Variants in PTPRN2 observed in about 807,000 individuals in gnomAD.
PTPRN2 encodes receptor-type tyrosine-protein phosphatase N2.
Under a neutral mutation model 118.8 loss-of-function variants are expected in PTPRN2, and 74 were observed. That is an observed-to-expected ratio of 0.62 (90% CI 0.52 to 0.76). The LOEUF (loss-of-function observed/expected upper bound fraction) is 0.76. PTPRN2 is among the 30% of genes least tolerant of loss of function. The probability of loss-of-function intolerance (pLI) is 0.00; values close to 1 mark genes in which losing one functional copy is unlikely to be tolerated. For synonymous variants in PTPRN2, 641 were observed against 608.0 expected (o/e 1.05, Z -0.80); for missense variants, 1,481 against 1,394.4 (o/e 1.06, Z -0.99).
At position 158,521,613 on chromosome 7, in the gene PTPRN2, A is replaced by ACT. The variant is rs1563387436; in HGVS notation, c.113-31829_113-31828insAG. On this transcript the variant is annotated intron_variant, in intron 1 of 22. Coordinates refer to ENST00000389418, the MANE Select transcript of PTPRN2 (RefSeq NM_002847.5). ...CGTCACAATGGTGGACTGTCCAGGT[A>ACT]GTGGCTCAGGAGGGAGGTCCACGTC... 7.5e-4 allele frequency among the ~76,000 whole-genome samples: 34 copies of ACT among 45,046 alleles called. 7 individuals are homozygous for ACT. The highest frequency in any genetic ancestry group is 1.4e-3 in the Non-Finnish European group (28 of 20,342). The allele number at this position is 45,046 out of a possible 152,430, so 29.6% of individuals were successfully genotyped here.
At chr7:157,994,625 C>G (rs181513298) in intron 11 of PTPRN2, among the ~76,000 whole-genome samples, 3 of 145,066 alleles carry the variant, frequency 2.1e-5, no homozygotes, top group African/African-American at 8.1e-5. Context: ...ACTCCTGGTT[C>G]CTAAAATCAA....
At chr7:157,932,994 C>T (rs35143004) in intron 11 of PTPRN2, among the ~76,000 whole-genome samples, 35,055 of 112,786 alleles carry the variant, frequency 0.31, 5,946 homozygotes, top group Non-Finnish European at 0.39. Context: ...GTCACTCTGA[C>T]TGACAGTTTT....
intron 19 of PTPRN2, among the ~76,000 whole-genome samples, chr7:157,574,658 C>T (rs559918547): frequency 2.8e-4 from 42 of 152,302 alleles, no homozygotes; most frequent in African/African-American, 8.4e-4. Context: ...GCCTGGCGAA[C>T]GCGCCAGGCC....
intron 14 of PTPRN2, among the ~76,000 whole-genome samples, chr7:157,625,794 T>A (rs1380537902): frequency 1.3e-5 from 2 of 152,082 alleles, no homozygotes; most frequent in Non-Finnish European, 2.9e-5. Flanking sequence ...TATAGATGAG[T>A]GCATGTGTGA....
intron 2 of PTPRN2, among the ~76,000 whole-genome samples, chr7:158,440,970 TTGG>T (rs1817010750): frequency 8.9e-6 from 1 of 111,972 alleles, no homozygotes; most frequent in South Asian, 2.9e-4. Context: ...AGTAGTGGTG[TTGG>T]TGGTAGTGGT....
intron 11 of PTPRN2, among the ~76,000 whole-genome samples, chr7:158,032,522 C>T (rs1807763836): frequency 6.6e-6 from 1 of 152,044 alleles, no homozygotes; most frequent in Admixed American, 6.5e-5. Context: ...TGCCAAGAGA[C>T]CCAAGGCAGG....
chr7:157,694,113 C>T (rs1797656684), intron 12 of PTPRN2, among the ~76,000 whole-genome samples: 1 of 152,246 alleles, frequency 6.6e-6, no homozygotes, highest in Admixed American at 6.5e-5. Flanking sequence ...CAATTCTTTT[C>T]GTTAGTCCCT....
At chr7:157,613,953 C>T (rs1802573741) in intron 15 of PTPRN2, 1 of 461,038 alleles carries the variant, frequency 2.2e-6, no homozygotes, top group Non-Finnish European at 4.5e-6. Flanking sequence ...GGCGACCCTC[C>T]CGTCACAACT....
intron 12 of PTPRN2, among the ~76,000 whole-genome samples, chr7:157,887,891 C>G (rs1401387496): frequency 2.0e-5 from 3 of 147,432 alleles, no homozygotes; most frequent in African/African-American, 7.6e-5. Flanking sequence ...CTGCTCTCCA[C>G]CATACCCACT....
chr7:158,230,862 A>G (rs947261555), intron 3 of PTPRN2, among the ~76,000 whole-genome samples: 12 of 152,220 alleles, frequency 7.9e-5, no homozygotes, highest in African/African-American at 2.9e-4. Flanking sequence ...CAATTCTCCA[A>G]TTAAAAGATA....
Position 157,929,386 on chromosome 7 carries a change from G to A in PTPRN2, c.1724-30649C>T, listed in dbSNP as rs1027238479. 3.3e-5 allele frequency among the ~76,000 whole-genome samples: 5 copies of A among 151,916 alleles called. No individual in the cohort carries two copies. The highest frequency in any genetic ancestry group is 9.7e-5 in the African/African-American group (4 of 41,374). ...CTCCTCTGTGGGTTCCTGCAGCACC[G>A]GGAGACCCTGGCGCGACTCCTGAGG... On this transcript the variant is annotated intron_variant, in intron 11 of 22. Coordinates refer to ENST00000389418, the MANE Select transcript of PTPRN2 (RefSeq NM_002847.5). The surrounding 1 kb of genome is among the most constrained non-coding windows in gnomAD (Gnocchi z 4.4).
intron 2 of PTPRN2, among the ~76,000 whole-genome samples, chr7:158,387,236 C>T (rs1012209826): frequency 2.0e-5 from 3 of 152,204 alleles, no homozygotes; most frequent in Admixed American, 6.5e-5. Flanking sequence ...CATGGGAGAC[C>T]AGAAACCTTT....
chr7:158,228,852 G>A (rs945628402), intron 3 of PTPRN2, among the ~76,000 whole-genome samples: 8 of 152,078 alleles, frequency 5.3e-5, no homozygotes, highest in Non-Finnish European at 7.4e-5. Context: ...CATGGGAAGC[G>A]CTGCAAATGT....
At chr7:158,046,437 A>G (rs1186877478) in intron 11 of PTPRN2, among the ~76,000 whole-genome samples, 3 of 147,656 alleles carry the variant, frequency 2.0e-5, no homozygotes, top group Admixed American at 1.3e-4. Flanking sequence ...CGATCCTGGC[A>G]TCCTGACGCT....
intron 11 of PTPRN2, among the ~76,000 whole-genome samples, chr7:158,074,012 C>T (rs940559841): frequency 6.6e-6 from 1 of 152,214 alleles, no homozygotes; most frequent in Non-Finnish European, 1.5e-5. Flanking sequence ...GGAGGACATA[C>T]GTGTCCTGGC....
intron 12 of PTPRN2, among the ~76,000 whole-genome samples, chr7:157,734,354 C>T (rs946808502): frequency 2.2e-4 from 34 of 152,266 alleles, no homozygotes; most frequent in Non-Finnish European, 3.8e-4. Flanking sequence ...ATTCCATGCA[C>T]CCAGCACAGT....
intron 12 of PTPRN2, among the ~76,000 whole-genome samples, chr7:157,807,862 G>A (rs149294025): frequency 2.8e-3 from 424 of 152,322 alleles, no homozygotes; most frequent in Admixed American, 6.7e-3. Context: ...CTCATGGCAC[G>A]TCAGGCTCTG....
chr7:158,284,492 C>A (rs938018469), intron 3 of PTPRN2, among the ~76,000 whole-genome samples: 2 of 152,208 alleles, frequency 1.3e-5, no homozygotes, highest in African/African-American at 4.8e-5. Flanking sequence ...CAAACCCTTG[C>A]CCAGTGCCAC....
chr7:158,182,384 G>T (rs73516580), intron 5 of PTPRN2, among the ~76,000 whole-genome samples: 8 of 151,994 alleles, frequency 5.3e-5, no homozygotes, highest in Non-Finnish European at 8.8e-5. Context: ...CGGGATACAC[G>T]TGCAGAACAT....
Sources: gnomAD v4.1 joint callset for allele counts (sites outside exome capture counted in the v4.1 genomes callset) on GRCh38, gnomAD v4.1.1 for gene constraint, Gnocchi (gnomAD v3.1) non-coding constraint, MANE v1.5 for transcripts, NCBI Gene and HGNC (gene_info 2026-07-23, HGNC 2026-07-21) for gene names.